Variants in GRM7 observed in about 807,000 individuals in gnomAD.
GRM7 encodes glutamate metabotropic receptor 7.
In GRM7, 35 loss-of-function variants were observed where a neutral mutation model predicts 84.5. That is an observed-to-expected ratio of 0.41 (90% confidence interval 0.32 to 0.55). GRM7 has a LOEUF of 0.55. GRM7 is among the 20% of genes least tolerant of loss of function. GRM7 has a pLI of 0.19. For missense variants in GRM7, 1,003 were observed against 1,194.6 expected, an observed-to-expected ratio of 0.84 and a Z score of 2.36; for synonymous variants, 487 against 455.1, an observed-to-expected ratio of 1.07 and a Z score of -0.89.
At chr3:7,589,864 G>A (rs1231281738) in intron 8 of GRM7, among the ~76,000 whole-genome samples, 1 of 152,106 alleles carries the variant, frequency 6.6e-6, no homozygotes, top group East Asian at 1.9e-4. Context: ...TCTCTAATGT[G>A]CCTGTGTGCT....
chr3:7,511,277 A>G (rs1002619738), intron 7 of GRM7, among the ~76,000 whole-genome samples: 1 of 152,206 alleles, frequency 6.6e-6, no homozygotes, highest in Non-Finnish European at 1.5e-5. Flanking sequence ...ACTTAGAAAA[A>G]GGGACAGTTA....
At chr3:7,091,146 A>T (rs1698649366) in intron 1 of GRM7, among the ~76,000 whole-genome samples, 1 of 151,964 alleles carries the variant, frequency 6.6e-6, no homozygotes, top group Non-Finnish European at 1.5e-5. Context: ...CTGCAGAAGA[A>T]TAGAGGTATT....
At chr3:6,970,215 C>CTTTCCCAAAT (rs1434031081) in intron 1 of GRM7, among the ~76,000 whole-genome samples, 2 of 151,660 alleles carry the variant, frequency 1.3e-5, no homozygotes, top group Non-Finnish European at 2.9e-5. Context: ...TGCTCCAAGA[C>CTTTCCCAAAT]TTTCCCTTCC....
intron 1 of GRM7, among the ~76,000 whole-genome samples, chr3:6,878,543 A>AAATAATAATAATAATAATAAT (rs58165323): frequency 2.3e-4 from 34 of 150,388 alleles, no homozygotes; most frequent in African/African-American, 8.3e-4. Context: ...GATTAACATA[A>AAATAATAATAATAATAATAAT]AATAATAATA....
At chr3:7,565,690 G>T (rs956513956) in intron 7 of GRM7, among the ~76,000 whole-genome samples, 1 of 152,298 alleles carries the variant, frequency 6.6e-6, no homozygotes, top group Admixed American at 6.5e-5. Context: ...AGGATGACAT[G>T]ATTAGACCTG....
intron 1 of GRM7, among the ~76,000 whole-genome samples, chr3:6,991,706 G>A (rs141413101): frequency 1.6e-4 from 24 of 152,304 alleles, no homozygotes; most frequent in African/African-American, 5.8e-4. Context: ...AATATATATT[G>A]TGAAATGATT....
intron 8 of GRM7, among the ~76,000 whole-genome samples, chr3:7,620,266 T>TTATACTAAAAATTCATC (rs1697295579): frequency 6.6e-6 from 1 of 152,170 alleles, no homozygotes; most frequent in African/African-American, 2.4e-5. Flanking sequence ...TGGGGCACAC[T>TTATACTAAAAATTCATC]TATACTAAAA....
intron 1 of GRM7, among the ~76,000 whole-genome samples, chr3:7,074,920 A>G (rs1355585552): frequency 6.6e-6 from 1 of 152,214 alleles, no homozygotes; most frequent in Non-Finnish European, 1.5e-5. Context: ...ACTTGTAACC[A>G]TGAGAATAAA....
At chr3:7,624,753 T>G (rs1438651719) in intron 8 of GRM7, among the ~76,000 whole-genome samples, 1 of 152,192 alleles carries the variant, frequency 6.6e-6, no homozygotes, top group Non-Finnish European at 1.5e-5. Context: ...GAAATTTTAC[T>G]GTAGGTGAGC....
intron 4 of GRM7, among the ~76,000 whole-genome samples, chr3:7,377,048 A>G (rs965840595): frequency 1.3e-5 from 2 of 152,226 alleles, no homozygotes; most frequent in Admixed American, 1.3e-4. Flanking sequence ...CTTTAGAAGA[A>G]AGTAAGAAAA....
At chr3:7,461,550 T>C (rs766238245) in intron 6 of GRM7, 33 bp from the exon 7 acceptor site, 35 of 1,585,684 alleles carry the variant, frequency 2.2e-5, no homozygotes, top group East Asian at 6.7e-5. Context: ...CTTGTTTAAC[T>C]TTAGAATCTT....
chr3:7,425,194 T>C (rs1696556765), intron 5 of GRM7, among the ~76,000 whole-genome samples: 2 of 152,214 alleles, frequency 1.3e-5, no homozygotes, highest in Non-Finnish European at 2.9e-5. Context: ...GATCCTGGAT[T>C]GATCCCTTTT....
intron 8 of GRM7, 22 bp from the exon 9 acceptor site, chr3:7,680,027 C>T: frequency 6.2e-7 from 1 of 1,612,190 alleles, no homozygotes; most frequent in Non-Finnish European, 8.5e-7. Flanking sequence ...TGTAATAGTG[C>T]CTTGTGTGTT....
chr3:7,372,475 A>G (rs1177854371), intron 4 of GRM7, among the ~76,000 whole-genome samples: 1 of 152,134 alleles, frequency 6.6e-6, no homozygotes, highest in Non-Finnish European at 1.5e-5. Flanking sequence ...GTATGCATAA[A>G]ATATTCTCCC....
intron 1 of GRM7, among the ~76,000 whole-genome samples, chr3:7,021,280 A>T (rs1695765647): frequency 6.6e-6 from 1 of 152,176 alleles, no homozygotes; most frequent in African/African-American, 2.4e-5. Flanking sequence ...TTTTGTCTTA[A>T]TGGAGCAGAA....
At chr3:7,424,931 A>G (rs928608880) in intron 5 of GRM7, among the ~76,000 whole-genome samples, 1 of 152,156 alleles carries the variant, frequency 6.6e-6, no homozygotes, top group African/African-American at 2.4e-5. Context: ...ACTGTCCATG[A>G]GAGGTTATTA....
intron 1 of GRM7, among the ~76,000 whole-genome samples, chr3:6,922,500 C>A (rs1697161198): frequency 6.6e-6 from 1 of 152,154 alleles, no homozygotes; most frequent in South Asian, 2.1e-4. Flanking sequence ...TGTCAAATAG[C>A]TTTCTTGAAA....
intron 5 of GRM7, among the ~76,000 whole-genome samples, chr3:7,431,756 T>C (rs1035085698): frequency 5.3e-5 from 8 of 152,330 alleles, no homozygotes; most frequent in African/African-American, 1.9e-4. Context: ...ATTGCATGAA[T>C]GTGAACTGTT....
At chr3:7,598,869 A>C (rs977398891) in intron 8 of GRM7, among the ~76,000 whole-genome samples, 4 of 152,196 alleles carry the variant, frequency 2.6e-5, no homozygotes, top group Non-Finnish European at 5.9e-5. Flanking sequence ...TGACACATGA[A>C]TTTCTTTCCA....
Sources: allele counts gnomAD v4.1 joint callset (sites outside exome capture counted in the v4.1 genomes callset), GRCh38; gene constraint gnomAD v4.1.1; transcripts MANE v1.5; gene names NCBI Gene and HGNC (gene_info 2026-07-23, HGNC 2026-07-21).